FAM171A1: variants seen among roughly 807,000 people sequenced by gnomAD.
FAM171A1 encodes family with sequence similarity 171 member A1, also known as protein FAM171A1.
A neutral mutation model predicts 74.9 loss-of-function variants in FAM171A1; 23 were observed. The ratio of observed to expected loss-of-function variants is 0.31; its 90% CI spans 0.22 to 0.44. FAM171A1 has a LOEUF of 0.44. Ranked by LOEUF, FAM171A1 falls within the 20% of genes least tolerant of loss-of-function variation. FAM171A1 has a pLI of 1.00. For missense variants in FAM171A1, 1,162 were observed against 1,159.2 expected (o/e 1.00, Z -0.03); for synonymous variants, 527 against 505.7 (o/e 1.04, Z -0.57).
At chr10:15,348,627 G>A (rs1835843489) in intron 1 of FAM171A1, among the ~76,000 whole-genome samples, 1 of 152,178 alleles carries the variant, frequency 6.6e-6, no homozygotes, top group South Asian at 2.1e-4. Flanking sequence ...GCTACTTCGA[G>A]TGTGGTCCTC....
At chr10:15,323,627 G>A (rs1341993001) in intron 1 of FAM171A1, among the ~76,000 whole-genome samples, 1 of 152,128 alleles carries the variant, frequency 6.6e-6, no homozygotes, top group African/African-American at 2.4e-5. Context: ...ATTAGAAAAA[G>A]GGGAGCTAAT....
intron 4 of FAM171A1, 61 bp from the exon 5 acceptor site, chr10:15,248,876 ACCTTTGC>A: frequency 7.4e-6 from 11 of 1,486,414 alleles, no homozygotes; most frequent in Admixed American, 6.8e-5. Flanking sequence ...GGCTGTGGAA[ACCTTTGC>A]AAAAAAATAG....
intron 3 of FAM171A1, among the ~76,000 whole-genome samples, chr10:15,260,695 G>T: frequency 6.6e-6 from 1 of 152,180 alleles, no homozygotes; most frequent in East Asian, 1.9e-4. Context: ...GTAATGCTCT[G>T]TCTCCATTCC....
At chr10:15,238,630 G>A (rs1177616461) in intron 5 of FAM171A1, among the ~76,000 whole-genome samples, 1 of 151,974 alleles carries the variant, frequency 6.6e-6, no homozygotes, top group Non-Finnish European at 1.5e-5. Context: ...TAGGTAAAAG[G>A]ACTAATTAAA....
intron 1 of FAM171A1, among the ~76,000 whole-genome samples, chr10:15,308,589 G>A (rs1835324082): frequency 1.3e-5 from 2 of 151,620 alleles, no homozygotes; most frequent in South Asian, 2.1e-4. Context: ...TCAGCCTCCC[G>A]AGTGCAGATT....
intron 1 of FAM171A1, among the ~76,000 whole-genome samples, chr10:15,337,116 A>ATTGCTTGT (rs1835710445): frequency 6.6e-6 from 1 of 151,902 alleles, no homozygotes; most frequent in African/African-American, 2.4e-5. Flanking sequence ...CCTGGACACA[A>ATTGCTTGT]GCAATCCTCC....
chr10:15,310,764 GGCAGGA>G (rs1269919234), intron 1 of FAM171A1, among the ~76,000 whole-genome samples: 2 of 151,930 alleles, frequency 1.3e-5, no homozygotes, highest in African/African-American at 2.4e-5. Flanking sequence ...CAGGGGTTGA[GGCAGGA>G]GAACCGTTTG....
chr10:15,285,724 G>A (rs1835027879), intron 1 of FAM171A1, among the ~76,000 whole-genome samples: 1 of 152,190 alleles, frequency 6.6e-6, no homozygotes, highest in Admixed American at 6.5e-5. Flanking sequence ...GAAAGACTTG[G>A]GATAGGAAGG....
chr10:15,253,647 C>T (rs182327197), intron 4 of FAM171A1, among the ~76,000 whole-genome samples: 38 of 152,240 alleles, frequency 2.5e-4, no homozygotes, highest in Admixed American at 2.2e-3. Context: ...ATGTAAAGCA[C>T]TGGAAAATTA....
intron 1 of FAM171A1, among the ~76,000 whole-genome samples, chr10:15,314,251 C>G (rs1387087391): frequency 6.6e-6 from 1 of 151,756 alleles, no homozygotes; most frequent in Non-Finnish European, 1.5e-5. Flanking sequence ...GAGATCTTAA[C>G]ATTCCTAGCA....
intron 1 of FAM171A1, among the ~76,000 whole-genome samples, chr10:15,327,214 T>C (rs760865570): frequency 8.5e-5 from 13 of 152,288 alleles, no homozygotes; most frequent in Non-Finnish European, 1.8e-4. Context: ...CTGTGTAAGC[T>C]TGAGCAAGAG....
chr10:15,214,751 G>T (rs1173237073), intron 7 of FAM171A1, 150 bp from the exon 8 acceptor site: 2 of 969,126 alleles, frequency 2.1e-6, no homozygotes, highest in Non-Finnish European at 2.9e-6. Flanking sequence ...CTCACCCCAC[G>T]CCCTGTCTTT....
intron 4 of FAM171A1, among the ~76,000 whole-genome samples, chr10:15,251,985 A>T (rs544935392): frequency 4.1e-4 from 63 of 152,252 alleles, no homozygotes; most frequent in Middle Eastern, 3.4e-3. Flanking sequence ...TCGTCACGTG[A>T]CAGGTTCTGC....
chr10:15,294,764 G>A (rs932899552), intron 1 of FAM171A1, among the ~76,000 whole-genome samples: 1 of 152,196 alleles, frequency 6.6e-6, no homozygotes, highest in Non-Finnish European at 1.5e-5. Context: ...TTGGGAGGAG[G>A]CTCCTCTAAG....
chr10:15,276,461 G>C (rs377100452), intron 2 of FAM171A1, among the ~76,000 whole-genome samples: 1 of 152,330 alleles, frequency 6.6e-6, no homozygotes, highest in African/African-American at 2.4e-5. Context: ...TTACAGGCGT[G>C]AGCCACTGCG....
At chr10:15,372,184 C>T (rs372589337), upstream of FAM171A1, among the ~76,000 whole-genome samples, 7 of 152,058 alleles carry the variant, frequency 4.6e-5, no homozygotes, top group Non-Finnish European at 8.8e-5. Context: ...AAGAAGGTTC[C>T]GGAGCCTGAC....
intron 1 of FAM171A1, among the ~76,000 whole-genome samples, chr10:15,349,712 A>G (rs967575989): frequency 1.3e-5 from 2 of 152,138 alleles, no homozygotes; most frequent in African/African-American, 4.8e-5. Flanking sequence ...GGCTTCACTC[A>G]ACAATGTTCA....
chr10:15,220,987 G>A lies in FAM171A1; in HGVS notation c.828C>T (p.Pro276=), dbSNP rs1313972491. 3.1e-6 allele frequency: 5 copies of A among 1,613,974 alleles called. No homozygotes were observed. The Admixed American group carries it at 5.0e-5, about 16-fold the overall frequency. Residue 276 remains proline (P), a synonymous_variant, in exon 6 of 8, where the codon CCC becomes CCT. Coordinates refer to ENST00000378116, the MANE Select transcript of FAM171A1 (RefSeq NM_001010924.2). ...TGGCGGCCACCCAGTACCCCAACTG[G>A]GGGGCAATGTATGTCCACGTCAGCT... is the stretch of plus-strand genomic sequence containing the variant. The part of the protein sequence containing the change: ...GSQLTWTYIA[P]QLGYWVAAMS...
chr10:15,212,850 C>T lies in FAM171A1; in HGVS notation c.*65G>A, dbSNP rs555774672. The T allele has an allele frequency of 6.9e-6, 11 of 1,585,942 alleles. No homozygotes were observed. Among genetic ancestry groups the T allele is most frequent in the Non-Finnish European group, 6.0e-6 (7 of 1,168,520 alleles). On this transcript the variant is annotated 3_prime_UTR_variant, in exon 8 of 8. Transcript: ENST00000378116. Reference sequence around the variant, plus strand: ...GTTCCGTTTCCTCCACGAACGGGTACGCGCTTCCATGAGAAAGGATATTTG... The same window carrying T: ...GTTCCGTTTCCTCCACGAACGGGTATGCGCTTCCATGAGAAAGGATATTTG...
Sources: gnomAD v4.1 joint callset for allele counts (sites outside exome capture counted in the v4.1 genomes callset) on GRCh38, gnomAD v4.1.1 for gene constraint, MANE v1.5 for transcripts, NCBI Gene and HGNC (gene_info 2026-07-23, HGNC 2026-07-21) for gene names.